Variants in NHSL2 observed in about 807,000 individuals in gnomAD.
NHSL2 encodes NHS like 2, also known as NHS-like protein 2.
Under a neutral mutation model 53.4 loss-of-function variants are expected in NHSL2, and 27 were observed. That is an observed-to-expected ratio of 0.51 (90% CI 0.37 to 0.70). The LOEUF (loss-of-function observed/expected upper bound fraction) is 0.70, where lower values mean the gene tolerates loss of function less well. Among genes scored for constraint, NHSL2 ranks in the 30% least tolerant of loss-of-function variants. The probability of loss-of-function intolerance (pLI) is 0.00; values close to 1 mark genes in which losing one functional copy is unlikely to be tolerated. For synonymous variants in NHSL2, 408 were observed against 404.1 expected (o/e 1.01, Z -0.12); for missense variants, 892 against 980.1 (o/e 0.91, Z 1.20).
At chrX:72,012,341 G>A (rs2042119492) in intron 1 of NHSL2, among the ~76,000 whole-genome samples, 1 of 111,759 alleles carries the variant, frequency 8.9e-6, no homozygotes, top group African/African-American at 3.3e-5. Context: ...ACAAGTAACT[G>A]TAAACTTGGT....
chrX:72,006,419 T>C (rs1009089274), intron 1 of NHSL2, among the ~76,000 whole-genome samples: 1 of 111,852 alleles, frequency 8.9e-6, no homozygotes, highest in Non-Finnish European at 1.9e-5. Flanking sequence ...ACTGCCTTCC[T>C]CTCCTCCATG....
chrX:72,051,604 G>A (rs2042340978), intron 1 of NHSL2, among the ~76,000 whole-genome samples: 2 of 111,075 alleles, frequency 1.8e-5, no homozygotes, highest in African/African-American at 6.6e-5. Flanking sequence ...CTCACTGCCA[G>A]ATCAACCCTA....
intron 1 of NHSL2, among the ~76,000 whole-genome samples, chrX:71,932,057 C>T (rs1029315418): frequency 3.6e-4 from 40 of 112,279 alleles, no homozygotes; most frequent in African/African-American, 1.3e-3. Context: ...TTAGCCATGG[C>T]CCTTGCCTTC....
intron 1 of NHSL2, among the ~76,000 whole-genome samples, chrX:72,014,799 G>A (rs1246425550): frequency 9.2e-6 from 1 of 109,231 alleles, no homozygotes; most frequent in African/African-American, 3.3e-5. Flanking sequence ...AAATCCTGTT[G>A]TTTGAGGGTG....
In NHSL2 at chrX:71,911,049, C is replaced by T; in HGVS notation, c.-39C>T. On this transcript the variant is annotated 5_prime_UTR_variant, in exon 1 of 8. Coordinates refer to ENST00000633930, the MANE Select transcript of NHSL2 (RefSeq NM_001013627.3). ...CGCTGCTCGGGGTGAGCCCGCCGCG[C>T]CGCCAGACTGGTCCCCTGCGCCCGC... is the stretch of plus-strand genomic sequence containing the variant. 1.0e-6 allele frequency: 1 copy of T among 972,402 alleles called. No individual in the cohort carries two copies. Among genetic ancestry groups the T allele is most frequent in the East Asian group, 4.2e-5 (1 of 23,629 alleles). The allele number at this position is 972,402 out of a possible 1,213,427, so 80.1% of individuals were successfully genotyped here.
At chrX:72,124,943 G>A (rs957135677) in intron 1 of NHSL2, among the ~76,000 whole-genome samples, 1 of 111,923 alleles carries the variant, frequency 8.9e-6, no homozygotes, top group Non-Finnish European at 1.9e-5. Context: ...AAGGGCTTCT[G>A]TGAGGTGCAA....
chrX:71,987,441 T>G (rs961956980), intron 1 of NHSL2, among the ~76,000 whole-genome samples: 1 of 111,608 alleles, frequency 9.0e-6, no homozygotes, highest in Non-Finnish European at 1.9e-5. Context: ...ATCTAGAATC[T>G]AATGCTCCAA....
rs1319642874 is a variant in NHSL2 at position 72,137,042 on chromosome X, G to T, written c.761-52G>T. On this transcript the variant is annotated intron_variant, in intron 4 of 7. Coordinates refer to ENST00000633930, the MANE Select transcript of NHSL2 (RefSeq NM_001013627.3). ...CTCTTCTCTCAGGCCAATTTCCACC[G>T]TGCTTTAAACAGAAACCAGGATGCA... The T allele has an allele frequency of 4.5e-6, 5 of 1,105,956 alleles. No individual in the cohort carries two copies. The South Asian group carries it at 8.3e-5, about 18-fold the overall frequency. The allele number at this position is 1,105,956 out of a possible 1,213,427, so 91.1% of individuals were successfully genotyped here.
intron 1 of NHSL2, among the ~76,000 whole-genome samples, chrX:72,030,000 A>G (rs1200172155): frequency 8.9e-6 from 1 of 112,427 alleles, no homozygotes; most frequent in East Asian, 2.8e-4. Context: ...CACCCCTTAA[A>G]TGTAAAGCTG....
rs1486779578 is a variant in NHSL2 at position 72,148,564 on chromosome X, A to T, written c.*4990A>T. On this transcript the variant is annotated 3_prime_UTR_variant, in exon 8 of 8. Transcript: ENST00000633930. The stretch of plus-strand genomic sequence containing the variant: ...CCTTTGTCAAAAGGCAGCAAAAAGT[A>T]TAATGATATAAACATAATATGAAAT... The T allele has an allele frequency of 8.9e-6, 1 of 112,264 alleles. No homozygotes were observed. 9.3% of individuals were successfully genotyped at this position (112,264 alleles called of 1,213,427 possible). A position where few individuals can be genotyped will look rare whatever the true frequency, so the allele number is the denominator to read the frequency against.
In NHSL2 at chrX:72,149,986, T is replaced by A. The variant is rs1266132044; in HGVS notation, c.*6412T>A. The A allele has an allele frequency of 3.6e-5, 4 of 112,589 alleles. No individual in the cohort carries two copies. Among genetic ancestry groups the A allele is most frequent in the African/African-American group, 6.5e-5 (2 of 30,996 alleles). The allele number at this position is 112,589 out of a possible 1,213,427, so 9.3% of individuals were successfully genotyped here. A position where few individuals can be genotyped will look rare whatever the true frequency, so the allele number is the denominator to read the frequency against. On this transcript the variant is annotated 3_prime_UTR_variant, in exon 8 of 8. Coordinates refer to ENST00000633930, the MANE Select transcript of NHSL2 (RefSeq NM_001013627.3). ...GCCCTTGGGCCCAATCTGGTTTCAT[T>A]TAAAGCACTACAATTTATAGAAGAC...
intron 1 of NHSL2, among the ~76,000 whole-genome samples, chrX:72,120,597 A>G (rs183985462): frequency 3.6e-4 from 40 of 111,958 alleles, no homozygotes; most frequent in African/African-American, 1.2e-3. Flanking sequence ...TTTTTGGTCA[A>G]TCTAGCTAAC....
At chrX:72,132,002 C>A in intron 1 of NHSL2, 77 bp from the exon 2 acceptor site, 1 of 1,061,496 alleles carries the variant, frequency 9.4e-7, no homozygotes, top group Non-Finnish European at 1.3e-6. Flanking sequence ...CTTGGGGAAC[C>A]GCGGGCGCCC....
intron 1 of NHSL2, among the ~76,000 whole-genome samples, chrX:71,951,638 G>T (rs181407801): frequency 2.7e-3 from 308 of 112,402 alleles, no homozygotes; most frequent in African/African-American, 9.5e-3. Flanking sequence ...TTTTCATGTG[G>T]CAGGCATGTA....
intron 1 of NHSL2, among the ~76,000 whole-genome samples, chrX:71,947,424 C>T (rs1020647077): frequency 2.7e-5 from 3 of 112,521 alleles, no homozygotes; most frequent in South Asian, 7.4e-4. Context: ...GAACACAATT[C>T]AAGAACGCTG....
At chrX:71,983,090 C>T (rs921983880) in intron 1 of NHSL2, among the ~76,000 whole-genome samples, 3 of 110,797 alleles carry the variant, frequency 2.7e-5, no homozygotes, top group African/African-American at 9.9e-5. Context: ...GCTTATTTGG[C>T]GAATGGGGAG....
At chrX:72,065,787 C>G (rs755637730) in intron 1 of NHSL2, among the ~76,000 whole-genome samples, 1 of 112,100 alleles carries the variant, frequency 8.9e-6, no homozygotes, top group South Asian at 3.7e-4. Flanking sequence ...GGATTTGAAT[C>G]TAGGCTTCTC....
chrX:71,969,298 CT>C (rs1276344166), intron 1 of NHSL2, among the ~76,000 whole-genome samples: 3 of 90,533 alleles, frequency 3.3e-5, no homozygotes, highest in South Asian at 5.1e-4. Flanking sequence ...GAACGGTTTT[CT>C]TTTTTTCTTT....
At chrX:71,912,235 G>A (rs1293478471) in intron 1 of NHSL2, among the ~76,000 whole-genome samples, 1 of 112,339 alleles carries the variant, frequency 8.9e-6, no homozygotes, top group African/African-American at 3.2e-5. Flanking sequence ...TTGGATCCCA[G>A]CACTTTACAC....
Sources: allele counts gnomAD v4.1 joint callset (sites outside exome capture counted in the v4.1 genomes callset), GRCh38; gene constraint gnomAD v4.1.1; transcripts MANE v1.5; gene names NCBI Gene and HGNC (gene_info 2026-07-23, HGNC 2026-07-21).